The following CCDC197 variants were observed in gnomAD, a reference collection of about 807,000 sequenced individuals.
The protein encoded by CCDC197 is uncharacterized protein CCDC197.
A neutral mutation model predicts 13.4 loss-of-function variants in CCDC197; 24 were observed. That is an observed-to-expected ratio of 1.80 (90% CI 1.30 to 2.53). The LOEUF is 2.53. CCDC197 is among the 30% of genes most tolerant of loss of function. The probability of loss-of-function intolerance (pLI) is 0.00; values close to 1 mark genes in which losing one functional copy is unlikely to be tolerated. For synonymous variants in CCDC197, 99 were observed against 55.5 expected (o/e 1.78, Z -3.48); for missense variants, 255 against 148.8 (o/e 1.71, Z -3.71).
At chr14:93,988,102 G>A (rs1291290006) in intron 1 of CCDC197, among the ~76,000 whole-genome samples, 1 of 124,362 alleles carries the variant, frequency 8.0e-6, no homozygotes, top group Non-Finnish European at 1.7e-5. Flanking sequence ...GGAAGGGGGT[G>A]GAAGGAGGGG....
downstream of CCDC197, chr14:94,008,951 T>C: frequency 1.7e-6 from 1 of 588,974 alleles, no homozygotes; most frequent in Non-Finnish European, 3.1e-6. Flanking sequence ...TGGGCTCAGC[T>C]AGGGTTGGGG....
At position 94,004,983 on chromosome 14, in the gene CCDC197, C is replaced by T. The variant is rs911785109; in HGVS notation, c.615+12C>T. 3 of 701,174 alleles carry T rather than the reference C, an allele frequency of 4.3e-6. No individual in the cohort carries two copies. The highest frequency in any genetic ancestry group is 3.5e-5 in the African/African-American group (2 of 57,218). 43.4% of individuals were successfully genotyped at this position (701,174 alleles called of 1,614,324 possible). On this transcript the variant is annotated intron_variant, in intron 6 of 6. Transcript: ENST00000636493. ...TCGATCTGATTAAGGTAAGGATAGA[C>T]AGATGGCTGCGGGGCTCCTGACTGC...
At chr14:94,010,691 G>A (rs963517809), downstream of CCDC197, among the ~76,000 whole-genome samples, 1 of 152,208 alleles carries the variant, frequency 6.6e-6, no homozygotes, top group African/African-American at 2.4e-5. Context: ...GGAGCATGCG[G>A]AACCCCCTGA....
At chr14:94,005,306 A>G (rs1419489395) in intron 6 of CCDC197, among the ~76,000 whole-genome samples, 1 of 152,208 alleles carries the variant, frequency 6.6e-6, no homozygotes, top group Non-Finnish European at 1.5e-5. Flanking sequence ...CTGCACACCC[A>G]CACATGAGAC....
intron 3 of CCDC197, 62 bp from the exon 4 acceptor site, chr14:94,001,083 C>T: frequency 3.0e-6 from 2 of 674,794 alleles, no homozygotes; most frequent in Non-Finnish European, 5.5e-6. Context: ...TTCCTGGCCA[C>T]CCTGTTGGCA....
intron 1 of CCDC197, among the ~76,000 whole-genome samples, chr14:93,992,171 G>A (rs1481745968): frequency 1.3e-5 from 2 of 152,228 alleles, no homozygotes; most frequent in Non-Finnish European, 2.9e-5. Flanking sequence ...GAAATGCGGA[G>A]ATCTGGTTTT....
rs1251073669 is a variant in CCDC197, at chr14:94,003,473, C to G, written c.498+119C>G. ...CGCACGCAGACACACACACACAGAGCCAGACACATAGACACACAGGCACAC... is the reference window on the plus strand; with the variant it reads ...CGCACGCAGACACACACACACAGAGGCAGACACATAGACACACAGGCACAC... On this transcript the variant is annotated intron_variant, in intron 5 of 6. Transcript: ENST00000636493. The surrounding 1 kb of genome is among the most constrained non-coding windows in gnomAD (Gnocchi z 5.0). The G allele has an allele frequency of 1.6e-6, 1 of 632,878 alleles. No individual in the cohort carries two copies. The highest frequency in any genetic ancestry group is 2.9e-6 in the Non-Finnish European group (1 of 347,386). The allele number at this position is 632,878 out of a possible 1,614,324, so 39.2% of individuals were successfully genotyped here.
At chr14:93,994,620 T>C (rs1308695504), upstream of CCDC197, among the ~76,000 whole-genome samples, 2 of 152,160 alleles carry the variant, frequency 1.3e-5, no homozygotes, top group Non-Finnish European at 2.9e-5. Flanking sequence ...AGGCCAAAAA[T>C]GAAATTGTCA....
At chr14:93,994,335 AC>A (rs1455495446), upstream of CCDC197, among the ~76,000 whole-genome samples, 3 of 152,176 alleles carry the variant, frequency 2.0e-5, no homozygotes, top group African/African-American at 7.2e-5. Context: ...CCTTGTATTA[AC>A]TGTGTACCCT....
At chr14:94,002,832 A>T (rs902963191) in intron 4 of CCDC197, among the ~76,000 whole-genome samples, 10 of 149,420 alleles carry the variant, frequency 6.7e-5, no homozygotes, top group Admixed American at 2.0e-4. Context: ...CAGCCTGGGC[A>T]AAAAGAGTGA....
At chr14:94,011,002 G>A (rs1890799392), downstream of CCDC197, among the ~76,000 whole-genome samples, 1 of 152,180 alleles carries the variant, frequency 6.6e-6, no homozygotes, top group South Asian at 2.1e-4. Context: ...CCCAGATGTG[G>A]CAGATGCTGC....
At chr14:93,998,301 G>A (rs1183781927) in intron 2 of CCDC197, 66 bp downstream of exon 2, 8 of 739,850 alleles carry the variant, frequency 1.1e-5, no homozygotes, top group Non-Finnish European at 2.0e-5. Flanking sequence ...TAAGTGGCTG[G>A]ACTTAGCAAA....
chr14:93,999,092 G>A (rs996085493), intron 2 of CCDC197, among the ~76,000 whole-genome samples: 1 of 152,226 alleles, frequency 6.6e-6, no homozygotes, highest in African/African-American at 2.4e-5. Context: ...CTGGGGGCTG[G>A]TGGGGCCCCC....
At position 94,004,900 on chromosome 14, in the gene CCDC197, CG is replaced by C; in HGVS notation, c.546del (p.Gln183SerfsTer21). ...YMQMTITNMARQCCPSAHGVP... is the reference protein window; with the variant it reads ...YMQMTITNMAXQCCPSAHGVP... ...GCAAATGACCATCACCAACATGGCC[CG>C]GCAGTGCTGCCCCTCTGCCCACGGC... On this transcript the variant is annotated frameshift_variant, in exon 6 of 7. Coordinates refer to ENST00000636493, the MANE Select transcript of CCDC197 (RefSeq NM_001351596.2). LOFTEE classifies it high-confidence loss of function. 1.4e-6 allele frequency: 1 copy of C among 702,978 alleles called. No homozygotes were observed. Among genetic ancestry groups the C allele is most frequent in the Non-Finnish European group, 2.6e-6 (1 of 384,980 alleles). 43.5% of individuals were successfully genotyped at this position (702,978 alleles called of 1,614,324 possible).
Position 93,997,326 on chromosome 14 carries a change from C to G in CCDC197, c.-379C>G, listed in dbSNP as rs555727112. ...AGCTAGGCCCCTTCCTCCTCCAGTG[C>G]CTGTCTACCTATGTTTGATGCTTGG... On this transcript the variant is annotated 5_prime_UTR_variant, in exon 1 of 7. Transcript: ENST00000636493. 2.6e-5 allele frequency: 4 copies of G among 152,304 alleles called. No individual in the cohort carries two copies. The highest frequency in any genetic ancestry group is 5.9e-5 in the Non-Finnish European group (4 of 68,098). The allele number at this position is 152,304 out of a possible 1,614,324, so 9.4% of individuals were successfully genotyped here. A position where few individuals can be genotyped will look rare whatever the true frequency, so the allele number is the denominator to read the frequency against.
At chr14:93,995,738 A>G (rs1227977457), upstream of CCDC197, among the ~76,000 whole-genome samples, 1 of 152,098 alleles carries the variant, frequency 6.6e-6, no homozygotes, top group Non-Finnish European at 1.5e-5. Flanking sequence ...TTCCTGCCGC[A>G]TGGATCTCCA....
Position 93,998,018 on chromosome 14 carries a change from C to T in CCDC197, c.-114C>T. 1 of 676,542 alleles carries T rather than the reference C, an allele frequency of 1.5e-6. No individual in the cohort carries two copies. Among genetic ancestry groups the T allele is most frequent in the East Asian group, 2.6e-5 (1 of 38,010 alleles). 41.9% of individuals were successfully genotyped at this position (676,542 alleles called of 1,614,324 possible). On this transcript the variant is annotated 5_prime_UTR_variant, in exon 2 of 7. Transcript: ENST00000636493. Reference sequence around the variant, plus strand: ...TGTGAGGTGGGGATGCTAACCCTGGCTTCCAAGGATCTGAAGAGGAAGCTG... The same window carrying T: ...TGTGAGGTGGGGATGCTAACCCTGGTTTCCAAGGATCTGAAGAGGAAGCTG...
At chr14:94,011,066 A>G (rs994521565), downstream of CCDC197, among the ~76,000 whole-genome samples, 1 of 152,132 alleles carries the variant, frequency 6.6e-6, no homozygotes, top group Non-Finnish European at 1.5e-5. Context: ...GGCAAATCCT[A>G]CATGCTGAAG....
At chr14:93,992,204 G>A (rs752486018) in intron 1 of CCDC197, among the ~76,000 whole-genome samples, 46 of 152,204 alleles carry the variant, frequency 3.0e-4, no homozygotes, top group Admixed American at 2.6e-3. Flanking sequence ...AGCTCTCTCT[G>A]GCTGCCAGGT....
Sources: allele counts gnomAD v4.1 joint callset (sites outside exome capture counted in the v4.1 genomes callset), GRCh38; gene constraint gnomAD v4.1.1; non-coding constraint Gnocchi (gnomAD v3.1); transcripts MANE v1.5; gene names NCBI Gene and HGNC (gene_info 2026-07-23, HGNC 2026-07-21).